Variants in GLCCI1 observed in about 807,000 individuals in gnomAD.
The protein encoded by GLCCI1 is glucocorticoid-induced transcript 1 protein.
In GLCCI1, 24 loss-of-function variants were observed where a neutral mutation model predicts 52.2. The observed-to-expected ratio is 0.46, with a 90% CI of 0.33 to 0.65. GLCCI1 has a LOEUF of 0.65. GLCCI1 is among the 30% of genes least tolerant of loss of function. The probability of loss-of-function intolerance (pLI) is 0.02; values close to 1 mark genes in which losing one functional copy is unlikely to be tolerated. For missense variants in GLCCI1, 704 were observed against 701.5 expected, an observed-to-expected ratio of 1.00 and a Z score of -0.04; for synonymous variants, 310 against 276.5, an observed-to-expected ratio of 1.12 and a Z score of -1.20.
rs1226526562 is a variant in GLCCI1 at position 8,086,208 on chromosome 7, C to G, written c.1314C>G (p.Ile438Met). The change falls in exon 8 of 8, where the codon ATC becomes ATG. Residue 438 changes from isoleucine (I) to methionine (M), a missense_variant. Physicochemically the swap from Ile to Met is conservative, Grantham distance 10 (BLOSUM62 1). Transcript: ENST00000223145. The surrounding 1 kb of genome is among the most constrained non-coding windows in gnomAD (Gnocchi z 4.4). ...VFEEMASRQPISAPLFSCPDK... is the reference protein window; with the variant it reads ...VFEEMASRQPMSAPLFSCPDK... Reference sequence around the variant, plus strand: ...ATGGTTTTAGGTCTCGTCAGCCTATCTCGGCCCCTCTCTTTTCATGTCCTG... The same window carrying G: ...ATGGTTTTAGGTCTCGTCAGCCTATGTCGGCCCCTCTCTTTTCATGTCCTG... 6.2e-7 allele frequency: 1 copy of G among 1,613,270 alleles called. No individual in the cohort carries two copies. Among genetic ancestry groups the G allele is most frequent in the Non-Finnish European group, 8.5e-7 (1 of 1,179,682 alleles).
chr7:8,004,390 A>G (rs1781106392), intron 2 of GLCCI1: 1 of 173,802 alleles, frequency 5.8e-6, no homozygotes, highest in African/African-American at 2.4e-5. Flanking sequence ...AAGAGTTTGC[A>G]CCGTTCTTGA....
intron 6 of GLCCI1, among the ~76,000 whole-genome samples, chr7:8,082,823 T>A (rs893202351): frequency 6.6e-6 from 1 of 152,214 alleles, no homozygotes; most frequent in South Asian, 2.1e-4. Context: ...GCAGATAGAT[T>A]AGCCAACTCA....
chr7:8,033,214 T>TA (rs34569855), intron 3 of GLCCI1, among the ~76,000 whole-genome samples: 26 of 148,182 alleles, frequency 1.8e-4, no homozygotes, highest in South Asian at 6.5e-4. Flanking sequence ...CATTCATGAT[T>TA]AAAAAAAAAA....
intron 3 of GLCCI1, among the ~76,000 whole-genome samples, chr7:8,041,097 G>A (rs1781988882): frequency 6.6e-6 from 1 of 152,124 alleles, no homozygotes; most frequent in African/African-American, 2.4e-5. Flanking sequence ...AAAGGGAAAG[G>A]TCTTGAAGGA....
At chr7:8,041,001 A>T (rs912988325) in intron 3 of GLCCI1, among the ~76,000 whole-genome samples, 2 of 152,198 alleles carry the variant, frequency 1.3e-5, no homozygotes, top group African/African-American at 4.8e-5. Context: ...GCTAGGAATG[A>T]TTAAGCTTAG....
At chr7:8,011,930 C>G (rs1781270262) in intron 2 of GLCCI1, among the ~76,000 whole-genome samples, 1 of 152,088 alleles carries the variant, frequency 6.6e-6, no homozygotes, top group African/African-American at 2.4e-5. Context: ...ATTCTCCTGC[C>G]TCAGCCTCCC....
intron 1 of GLCCI1, among the ~76,000 whole-genome samples, chr7:7,991,345 T>C (rs1780835445): frequency 6.6e-6 from 1 of 152,110 alleles, no homozygotes; most frequent in South Asian, 2.1e-4. Context: ...TCTAGGAGAC[T>C]GTTGTGTTTT....
chr7:7,979,506 T>C (rs762253782), intron 1 of GLCCI1, among the ~76,000 whole-genome samples: 5 of 152,214 alleles, frequency 3.3e-5, no homozygotes, highest in Non-Finnish European at 7.3e-5. Context: ...TTTTCTTTCA[T>C]TAGATGAAGC....
chr7:8,042,243 T>C (rs886753267), intron 3 of GLCCI1, among the ~76,000 whole-genome samples: 2 of 152,232 alleles, frequency 1.3e-5, no homozygotes, highest in Non-Finnish European at 2.9e-5. Context: ...TCAATTCTTA[T>C]TATTTAAGAA....
chr7:8,073,508 T>C lies in GLCCI1; in HGVS notation c.1177+2377T>C, dbSNP rs550783811. ...TAATTTCTTTATATTCATCCTCTTG[T>C]TTTTTTAATATGTAAAATGAGAACA... On this transcript the variant is annotated intron_variant, in intron 6 of 7. Coordinates refer to ENST00000223145, the MANE Select transcript of GLCCI1 (RefSeq NM_138426.4). Among the ~76,000 whole-genome samples the C allele has an allele frequency of 1.9e-4, 29 of 152,238 alleles. No individual in the cohort carries two copies. The South Asian group carries it at 5.2e-3, about 27-fold the overall frequency.
In GLCCI1 at chr7:8,088,290, T is replaced by G. The variant is rs1783162750; in HGVS notation, c.*1752T>G. ...TGTGTGTATTCTGTGCATTATTTTG[T>G]CATGATCTCAATTCTCTTCTTTCCA... On this transcript the variant is annotated 3_prime_UTR_variant, in exon 8 of 8. Coordinates refer to ENST00000223145, the MANE Select transcript of GLCCI1 (RefSeq NM_138426.4). 1 of 151,944 alleles carries G rather than the reference T, an allele frequency of 6.6e-6. No homozygotes were observed. The highest frequency in any genetic ancestry group is 2.4e-5 in the African/African-American group (1 of 41,212). The allele number at this position is 151,944 out of a possible 1,614,324, so 9.4% of individuals were successfully genotyped here. A position where few individuals can be genotyped will look rare whatever the true frequency, so the allele number is the denominator to read the frequency against.
chr7:8,053,669 G>A (rs1446886666), intron 3 of GLCCI1, among the ~76,000 whole-genome samples: 1 of 151,996 alleles, frequency 6.6e-6, no homozygotes, highest in Admixed American at 6.6e-5. Context: ...AGCTAGTGTA[G>A]TTGGGACCCG....
chr7:8,067,842 T>C (rs1298038111), intron 5 of GLCCI1, among the ~76,000 whole-genome samples: 2 of 152,184 alleles, frequency 1.3e-5, no homozygotes, highest in African/African-American at 2.4e-5. Flanking sequence ...AATGGTCCTC[T>C]TGTGTAGTAT....
At chr7:8,027,209 A>G (rs1410489410) in intron 3 of GLCCI1, among the ~76,000 whole-genome samples, 2 of 152,170 alleles carry the variant, frequency 1.3e-5, no homozygotes, top group South Asian at 2.1e-4. Flanking sequence ...CAAAGTAGCT[A>G]TGTTGAGGAA....
intron 3 of GLCCI1, among the ~76,000 whole-genome samples, chr7:8,054,381 T>C (rs79643401): frequency 0.021 from 3,184 of 152,294 alleles, 49 homozygotes; most frequent in Non-Finnish European, 0.035. Context: ...ATAAGCTACA[T>C]AGAGCTTTAA....
intron 3 of GLCCI1, among the ~76,000 whole-genome samples, chr7:8,044,375 T>G (rs1782073498): frequency 1.3e-5 from 2 of 151,524 alleles, no homozygotes; most frequent in Admixed American, 1.3e-4. Context: ...TACTTTTTTT[T>G]TTTTTTTCTT....
intron 3 of GLCCI1, among the ~76,000 whole-genome samples, chr7:8,043,317 C>A (rs992092792): frequency 6.8e-6 from 1 of 146,004 alleles, no homozygotes; most frequent in African/African-American, 2.6e-5. Flanking sequence ...TGCCTTCATT[C>A]AACAATGCTG....
chr7:8,050,104 G>A (rs1340536367), intron 3 of GLCCI1, among the ~76,000 whole-genome samples: 1 of 152,144 alleles, frequency 6.6e-6, no homozygotes, highest in Non-Finnish European at 1.5e-5. Flanking sequence ...TGGAATCTCT[G>A]TCTATTCCGG....
intron 3 of GLCCI1, among the ~76,000 whole-genome samples, chr7:8,023,924 C>T (rs1048680526): frequency 1.3e-5 from 2 of 152,020 alleles, no homozygotes; most frequent in Non-Finnish European, 2.9e-5. Flanking sequence ...GATGGAAACT[C>T]ACTACTTTAC....
Sources: allele counts gnomAD v4.1 joint callset (sites outside exome capture counted in the v4.1 genomes callset), GRCh38; gene constraint gnomAD v4.1.1; non-coding constraint Gnocchi (gnomAD v3.1); transcripts MANE v1.5; gene names NCBI Gene and HGNC (gene_info 2026-07-23, HGNC 2026-07-21).